Variants in SERPINI2 observed in about 807,000 individuals in gnomAD.
SERPINI2 encodes serpin I2.
Under a neutral mutation model 47.3 loss-of-function variants are expected in SERPINI2, and 48 were observed. That is an observed-to-expected ratio of 1.02 (90% CI 0.81 to 1.29). The LOEUF (loss-of-function observed/expected upper bound fraction) is 1.29. SERPINI2 is among the 50% of genes most tolerant of loss of function. The pLI is 0.00. For synonymous variants in SERPINI2, 135 were observed against 149.3 expected (o/e 0.90, Z 0.70); for missense variants, 448 against 456.9 (o/e 0.98, Z 0.18).
At chr3:167,461,531 GGGGAAGTTT>G (rs1749979774) in intron 5 of SERPINI2, among the ~76,000 whole-genome samples, 1 of 152,036 alleles carries the variant, frequency 6.6e-6, no homozygotes, top group Non-Finnish European at 1.5e-5. Context: ...GGATGGAGAT[GGGGAAGTTT>G]GAGATGACGA....
intron 4 of SERPINI2, 30 bp downstream of exon 4, chr3:167,465,447 CTA>C: frequency 6.2e-7 from 1 of 1,608,456 alleles, no homozygotes; most frequent in Non-Finnish European, 8.5e-7. Flanking sequence ...ATTCTCAAGA[CTA>C]TGCTTAGGAA....
At chr3:167,442,099 T>G (rs775924988) in exon 9 of SERPINI2, 92 of 1,583,174 alleles carry the variant, frequency 5.8e-5, no homozygotes, top group Non-Finnish European at 7.6e-5. Context: ...TCTGAGGCTG[T>G]GCTTTTCATT....
At position 167,446,505 on chromosome 3, in the gene SERPINI2, T is replaced by A. The variant is rs373875182; in HGVS notation, c.1052-24A>T. 3.6e-6 allele frequency: 5 copies of A among 1,380,394 alleles called. No individual in the cohort carries two copies. The African/African-American group carries it at 7.2e-5, about 20-fold the overall frequency. The allele number at this position is 1,380,394 out of a possible 1,614,324, so 85.5% of individuals were successfully genotyped here. A position where few individuals can be genotyped will look rare whatever the true frequency, so the allele number is the denominator to read the frequency against. ...GCCTATAAAATAGAGACAACAGTTATTTAGATACTTGCATTAAAAGATCAG... is the reference window on the plus strand; with the variant it reads ...GCCTATAAAATAGAGACAACAGTTAATTAGATACTTGCATTAAAAGATCAG... On this transcript the variant is annotated intron_variant, in intron 7 of 8. Transcript: ENST00000264677.
intron 8 of SERPINI2, among the ~76,000 whole-genome samples, chr3:167,444,184 T>G (rs947830224): frequency 5.3e-5 from 8 of 152,188 alleles, no homozygotes; most frequent in African/African-American, 1.7e-4. Context: ...CACTATTTTT[T>G]CAGGAATGGT....
intron 5 of SERPINI2, among the ~76,000 whole-genome samples, chr3:167,456,340 C>T (rs1456843030): frequency 6.6e-6 from 1 of 152,150 alleles, no homozygotes; most frequent in Non-Finnish European, 1.5e-5. Flanking sequence ...GTAATCACTA[C>T]TGCAGCTGGT....
intron 6 of SERPINI2, among the ~76,000 whole-genome samples, chr3:167,452,149 C>T (rs1475733392): frequency 6.6e-6 from 1 of 152,114 alleles, no homozygotes; most frequent in African/African-American, 2.4e-5. Context: ...ATACATAAAA[C>T]ATTTCTGCAC....
intron 5 of SERPINI2, 56 bp from the exon 6 acceptor site, chr3:167,453,089 A>G: frequency 1.0e-6 from 1 of 964,848 alleles, no homozygotes; most frequent in Non-Finnish European, 1.6e-6. Context: ...CATTTTTGCT[A>G]CCAATTTTTT....
chr3:167,448,474 T>G (rs369013931), intron 7 of SERPINI2, among the ~76,000 whole-genome samples: 2 of 152,198 alleles, frequency 1.3e-5, no homozygotes, highest in African/African-American at 4.8e-5. Context: ...CCAGAAATAC[T>G]GATATAATTA....
At chr3:167,465,601 T>C in exon 4 of SERPINI2, 1 of 1,613,630 alleles carries the variant, frequency 6.2e-7, no homozygotes, top group Non-Finnish European at 8.5e-7. Context: ...TCCTTTGAAA[T>C]AAATAGCATT....
intron 5 of SERPINI2, among the ~76,000 whole-genome samples, chr3:167,461,342 G>T (rs935337885): frequency 2.0e-5 from 3 of 152,160 alleles, no homozygotes; most frequent in South Asian, 2.1e-4. Flanking sequence ...AACTGAAACT[G>T]CCAAGTTTTT....
intron 7 of SERPINI2, 67 bp from the exon 8 acceptor site, chr3:167,446,548 T>TGGCGTGAACCCC: frequency 1.9e-6 from 2 of 1,039,582 alleles, no homozygotes; most frequent in South Asian, 3.0e-5. Context: ...AGTATATTCA[T>TGGCGTGAACCCC]AATACATTTT....
chr3:167,456,604 C>T (rs930584393), intron 5 of SERPINI2, among the ~76,000 whole-genome samples: 3 of 152,214 alleles, frequency 2.0e-5, no homozygotes, highest in African/African-American at 7.2e-5. Flanking sequence ...TGTGCTCCCT[C>T]TCTTGCTTGC....
At chr3:167,466,134 G>C (rs1427513962) in intron 3 of SERPINI2, among the ~76,000 whole-genome samples, 1 of 152,152 alleles carries the variant, frequency 6.6e-6, no homozygotes, top group Non-Finnish European at 1.5e-5. Context: ...GAGGATACTA[G>C]TATGATCCTT....
chr3:167,474,009 C>G, exon 1 of SERPINI2: 1 of 1,119,950 alleles, frequency 8.9e-7, no homozygotes, highest in Non-Finnish European at 1.1e-6. Context: ...TTACCCCAAA[C>G]TGACTTCTGA....
chr3:167,461,548 C>T lies in SERPINI2; in HGVS notation c.866+3658G>A, dbSNP rs533516199. ...ATGGAGATGGGGAAGTTTGAGATGACGAGGGCGTAAGCTATTTTATATGAT... is the reference window on the plus strand; with the variant it reads ...ATGGAGATGGGGAAGTTTGAGATGATGAGGGCGTAAGCTATTTTATATGAT... On this transcript the variant is annotated intron_variant, in intron 5 of 8. Transcript: ENST00000264677. Among the ~76,000 whole-genome samples, 17 of 151,182 alleles carry T rather than the reference C, an allele frequency of 1.1e-4. 1 individual carries two copies. The highest frequency in any genetic ancestry group is 2.7e-4 in the African/African-American group (11 of 41,222).
chr3:167,459,548 T>C (rs1749924102), intron 5 of SERPINI2, among the ~76,000 whole-genome samples: 1 of 152,094 alleles, frequency 6.6e-6, no homozygotes, highest in South Asian at 2.1e-4. Context: ...TGATATCTTA[T>C]TGGCCTCAAT....
At chr3:167,476,002 A>AT (rs925525097), upstream of SERPINI2, among the ~76,000 whole-genome samples, 60 of 151,738 alleles carry the variant, frequency 4.0e-4, no homozygotes, top group Non-Finnish European at 2.5e-4. Context: ...ATTTCAGGCA[A>AT]TTTTTTTTGG....
At chr3:167,467,580 C>T (rs901007545) in intron 2 of SERPINI2, among the ~76,000 whole-genome samples, 2 of 152,076 alleles carry the variant, frequency 1.3e-5, no homozygotes, top group Non-Finnish European at 2.9e-5. Flanking sequence ...TTGATAGTCA[C>T]ATTTAGCGCA....
At chr3:167,442,088 T>C in exon 9 of SERPINI2, 2 of 1,566,704 alleles carry the variant, frequency 1.3e-6, no homozygotes, top group Non-Finnish European at 1.7e-6. Flanking sequence ...TCATCTTTTA[T>C]TCTGAGGCTG....
Sources: gnomAD v4.1 joint callset for allele counts (sites outside exome capture counted in the v4.1 genomes callset) on GRCh38, gnomAD v4.1.1 for gene constraint, MANE v1.5 for transcripts, NCBI Gene and HGNC (gene_info 2026-07-23, HGNC 2026-07-21) for gene names.